CLSTN1: variants seen among roughly 807,000 people sequenced by gnomAD.
CLSTN1 encodes the protein calsyntenin-1.
In CLSTN1, 28 loss-of-function variants were observed where a neutral mutation model predicts 108.3. That is an observed-to-expected ratio of 0.26 (90% CI 0.19 to 0.35). The LOEUF is 0.35. Ranked by LOEUF, CLSTN1 falls within the 10% of genes least tolerant of loss-of-function variation. The probability of loss-of-function intolerance (pLI) is 1.00; values close to 1 mark genes in which losing one functional copy is unlikely to be tolerated. For missense variants in CLSTN1, 1,157 were observed against 1,302.6 expected, an observed-to-expected ratio of 0.89 and a Z score of 1.72; for synonymous variants, 524 against 534.9, an observed-to-expected ratio of 0.98 and a Z score of 0.28.
intron 1 of CLSTN1, among the ~76,000 whole-genome samples, chr1:9,782,403 C>A (rs142921094): frequency 0.03 from 4,613 of 152,118 alleles, 104 homozygotes; most frequent in Non-Finnish European, 0.051. Flanking sequence ...ACTAATAAAT[C>A]TTGAATGGTT....
intron 18 of CLSTN1, 136 bp downstream of exon 18, chr1:9,731,070 C>A: frequency 9.6e-7 from 1 of 1,038,582 alleles, no homozygotes; most frequent in Non-Finnish European, 1.5e-6. Flanking sequence ...CCCACGAAGA[C>A]ACCTAAGCCC....
intron 4 of CLSTN1, among the ~76,000 whole-genome samples, chr1:9,754,147 G>A (rs1357812339): frequency 6.6e-6 from 1 of 152,136 alleles, no homozygotes; most frequent in Non-Finnish European, 1.5e-5. Context: ...TACAGCAAAA[G>A]ATAAATATGA....
intron 1 of CLSTN1, among the ~76,000 whole-genome samples, chr1:9,790,848 A>C (rs1046891188): frequency 2.0e-5 from 3 of 151,160 alleles, no homozygotes; most frequent in African/African-American, 7.2e-5. Context: ...TAAAAAAAAA[A>C]CAGGGCCGGG....
intron 2 of CLSTN1, among the ~76,000 whole-genome samples, chr1:9,757,952 T>A (rs1458423988): frequency 6.6e-6 from 1 of 151,864 alleles, no homozygotes; most frequent in Non-Finnish European, 1.5e-5. Context: ...TGCTTGGTTT[T>A]AAGGTTTTAA....
At chr1:9,778,463 G>A (rs541976495) in intron 1 of CLSTN1, among the ~76,000 whole-genome samples, 21 of 152,240 alleles carry the variant, frequency 1.4e-4, no homozygotes, top group Middle Eastern at 6.8e-3. Flanking sequence ...AAGATACTGC[G>A]AAGGTGTTTT....
At chr1:9,816,536 T>TAAAAA (rs372892139) in intron 1 of CLSTN1, among the ~76,000 whole-genome samples, 1 of 141,160 alleles carries the variant, frequency 7.1e-6, no homozygotes, top group Non-Finnish European at 1.5e-5. Context: ...AAAGCTGCTT[T>TAAAAA]AAAAAAAAAA....
At chr1:9,775,685 G>A (rs1328277344) in intron 1 of CLSTN1, among the ~76,000 whole-genome samples, 5 of 152,080 alleles carry the variant, frequency 3.3e-5, no homozygotes, top group African/African-American at 4.8e-5. Flanking sequence ...TGAACCAGGG[G>A]ACTCCTCGAT....
In CLSTN1 at chr1:9,749,442, G is replaced by A; in HGVS notation, c.985+19C>T. On this transcript the variant is annotated intron_variant, in intron 7 of 18. Transcript: ENST00000377298. ...CTTCACCAAAGCCAGCCGGATGCAA[G>A]AACGCCTGGTCTCCTTACCACAGAG... 3 of 1,587,004 alleles carry A rather than the reference G, an allele frequency of 1.9e-6. No individual in the cohort carries two copies. The highest frequency in any genetic ancestry group is 2.6e-6 in the Non-Finnish European group (3 of 1,169,128).
At chr1:9,801,205 A>G (rs889860426) in intron 1 of CLSTN1, among the ~76,000 whole-genome samples, 2 of 152,200 alleles carry the variant, frequency 1.3e-5, no homozygotes, top group South Asian at 4.1e-4. Context: ...AGATCGTGCC[A>G]TTGCACTCCA....
rs921511867 is a variant in CLSTN1, at chr1:9,823,361, G to A, written c.91+282C>T. On this transcript the variant is annotated intron_variant, in intron 1 of 18. Transcript: ENST00000377298. The surrounding 1 kb of genome is among the most constrained non-coding windows in gnomAD (Gnocchi z 6.3). ...CAGTGGGGGCAGCCCAGGCTCAGGA[G>A]CCCCGCCCGGGACGGAGCCTGGCTT... 6.6e-6 allele frequency among the ~76,000 whole-genome samples: 1 copy of A among 152,164 alleles called. No individual in the cohort carries two copies. The highest frequency in any genetic ancestry group is 1.5e-5 in the Non-Finnish European group (1 of 68,012).
At chr1:9,809,894 C>G (rs1252534336) in intron 1 of CLSTN1, among the ~76,000 whole-genome samples, 1 of 150,140 alleles carries the variant, frequency 6.7e-6, no homozygotes, top group African/African-American at 2.5e-5. Flanking sequence ...GAGCAAAACT[C>G]TGTCTCAAAA....
At chr1:9,771,526 A>T (rs1337871895) in intron 2 of CLSTN1, among the ~76,000 whole-genome samples, 2 of 152,148 alleles carry the variant, frequency 1.3e-5, no homozygotes, top group Non-Finnish European at 2.9e-5. Flanking sequence ...AGGCAGGAGA[A>T]CTGCTTGAAC....
chr1:9,822,114 T>G (rs1338319113), intron 1 of CLSTN1, among the ~76,000 whole-genome samples: 2 of 152,254 alleles, frequency 1.3e-5, no homozygotes, highest in South Asian at 4.1e-4. Flanking sequence ...CAAGCACATA[T>G]TTTTAAAATG....
At chr1:9,820,336 T>C (rs1655145028) in intron 1 of CLSTN1, among the ~76,000 whole-genome samples, 1 of 151,990 alleles carries the variant, frequency 6.6e-6, no homozygotes, top group African/African-American at 2.4e-5. Context: ...CTGGCCAACA[T>C]GGTGAAACCC....
rs555173123 is a variant in CLSTN1, at chr1:9,731,016, A to G, written c.2748+190T>C. On this transcript the variant is annotated intron_variant, in intron 18 of 18. Transcript: ENST00000377298. Reference sequence around the variant, plus strand: ...CCTGGCATGGCTCTTCTCTACACTTAAGGCAGAACGGCCTTGAATAAGGTC... The same window carrying G: ...CCTGGCATGGCTCTTCTCTACACTTGAGGCAGAACGGCCTTGAATAAGGTC... The G allele has an allele frequency of 3.8e-5, 26 of 679,420 alleles. No homozygotes were observed. In the African/African-American group the frequency reaches 4.3e-4, roughly 11 times the overall value. 42.1% of individuals were successfully genotyped at this position (679,420 alleles called of 1,614,324 possible).
chr1:9,731,493 C>T (rs142560149), intron 17 of CLSTN1, 103 bp from the exon 18 acceptor site: 524 of 1,257,334 alleles, frequency 4.2e-4, no homozygotes, highest in Middle Eastern at 2.1e-3. Context: ...CTGGACAGCA[C>T]GCTTCAGCTG....
At chr1:9,822,141 G>C (rs989373357) in intron 1 of CLSTN1, among the ~76,000 whole-genome samples, 2 of 152,264 alleles carry the variant, frequency 1.3e-5, no homozygotes, top group East Asian at 1.9e-4. Flanking sequence ...TTTTCCCCAA[G>C]AGAAGCAAAA....
At chr1:9,807,367 C>T (rs547759217) in intron 1 of CLSTN1, among the ~76,000 whole-genome samples, 1 of 152,040 alleles carries the variant, frequency 6.6e-6, no homozygotes, top group Non-Finnish European at 1.5e-5. Context: ...TATTTACAAA[C>T]GACAACTTCT....
At chr1:9,765,799 C>T (rs969983960) in intron 2 of CLSTN1, among the ~76,000 whole-genome samples, 5 of 152,042 alleles carry the variant, frequency 3.3e-5, no homozygotes, top group African/African-American at 1.2e-4. Flanking sequence ...AGGAGAATCG[C>T]TTGAACCCGG....
Sources: gnomAD v4.1 joint callset for allele counts (sites outside exome capture counted in the v4.1 genomes callset) on GRCh38, gnomAD v4.1.1 for gene constraint, Gnocchi (gnomAD v3.1) non-coding constraint, MANE v1.5 for transcripts, NCBI Gene and HGNC (gene_info 2026-07-23, HGNC 2026-07-21) for gene names.